SHOC1: variants seen among roughly 807,000 people sequenced by gnomAD.
SHOC1 encodes the protein protein shortage in chiasmata 1 ortholog.
In SHOC1, 136 loss-of-function variants were observed where a neutral mutation model predicts 179.2. That is an observed-to-expected ratio of 0.76 (90% CI 0.66 to 0.87). The LOEUF (loss-of-function observed/expected upper bound fraction) is 0.87. Among genes scored for constraint, SHOC1 ranks in the 40% least tolerant of loss-of-function variants. The probability of loss-of-function intolerance (pLI) is 0.00; values close to 1 mark genes in which losing one functional copy is unlikely to be tolerated. For missense variants in SHOC1, 1,538 were observed against 1,700.8 expected, an observed-to-expected ratio of 0.90 and a Z score of 1.68; for synonymous variants, 489 against 586.6, an observed-to-expected ratio of 0.83 and a Z score of 2.41.
intron 22 of SHOC1, 31 bp from the exon 23 acceptor site, chr9:111,702,257 C>T (rs1315243900): frequency 7.8e-7 from 1 of 1,278,830 alleles, no homozygotes; most frequent in Non-Finnish European, 1.1e-6. Flanking sequence ...TGTAAAAATT[C>T]ATTAGGTTGA....
intron 24 of SHOC1, among the ~76,000 whole-genome samples, chr9:111,699,223 A>C (rs1170502446): frequency 1.3e-5 from 2 of 152,176 alleles, no homozygotes; most frequent in Admixed American, 6.6e-5. Flanking sequence ...GACATACTCT[A>C]GATACACTGC....
chr9:111,704,323 T>C (rs1405426587), intron 21 of SHOC1, among the ~76,000 whole-genome samples: 2 of 152,216 alleles, frequency 1.3e-5, no homozygotes, highest in Middle Eastern at 3.2e-3. Context: ...TCTGCATTTA[T>C]CAGAATTTCC....
Position 111,758,318 on chromosome 9 carries a change from G to A in SHOC1, c.597-123C>T, listed in dbSNP as rs145590629. 246 of 615,112 alleles carry A rather than the reference G, an allele frequency of 4.0e-4. 4 individuals are homozygous for A. In the East Asian group the frequency reaches 7.1e-3, roughly 18 times the overall value. 38.1% of individuals were successfully genotyped at this position (615,112 alleles called of 1,614,324 possible). ...AAAACGATGATAAAAGTTATTGGCC[G>A]GGTGCAGTGGCTCACGCCTGTAATC... On this transcript the variant is annotated intron_variant, in intron 6 of 27. Coordinates refer to ENST00000682961, the MANE Select transcript of SHOC1 (RefSeq NM_001378211.1).
chr9:111,686,477 CA>C lies in SHOC1; in HGVS notation c.*292del, dbSNP rs1430047735. ...CTGTGATGATCTTCACTTCCTGACT[CA>C]AAGGGTCAGACTGTGATGGAGACTC... is the stretch of plus-strand genomic sequence containing the variant. On this transcript the variant is annotated 3_prime_UTR_variant, in exon 28 of 28. Coordinates refer to ENST00000682961, the MANE Select transcript of SHOC1 (RefSeq NM_001378211.1). The C allele has an allele frequency of 5.6e-6, 1 of 179,858 alleles. No homozygotes were observed. 11.1% of individuals were successfully genotyped at this position (179,858 alleles called of 1,614,324 possible).
rs530013426 is a variant in SHOC1, at chr9:111,735,639, A to G, written c.1417+2641T>C. ...CTTTGCTATTGTGAATAGTGCCGCA[A>G]TGAACATACGTGTGCATGTGTCTTT... On this transcript the variant is annotated intron_variant, in intron 12 of 27. Coordinates refer to ENST00000682961, the MANE Select transcript of SHOC1 (RefSeq NM_001378211.1). Among the ~76,000 whole-genome samples, 34 of 152,328 alleles carry G rather than the reference A, an allele frequency of 2.2e-4. 1 individual carries two copies. Among genetic ancestry groups the G allele is most frequent in the African/African-American group, 7.9e-4 (33 of 41,574 alleles).
chr9:111,716,350 C>CCTCCATAAAT (rs1298888357), intron 16 of SHOC1, among the ~76,000 whole-genome samples: 4 of 148,416 alleles, frequency 2.7e-5, no homozygotes, highest in Non-Finnish European at 6.0e-5. Flanking sequence ...TTTAAGCCAA[C>CCTCCATAAAT]CTCCATAAAT....
chr9:111,713,260 G>A, intron 17 of SHOC1, 88 bp from the exon 18 acceptor site: 1 of 652,674 alleles, frequency 1.5e-6, no homozygotes, highest in South Asian at 2.1e-5. Context: ...AACTTTAATT[G>A]GTTCTATGAA....
chr9:111,723,701 T>G, intron 14 of SHOC1, 91 bp downstream of exon 14: 6 of 1,231,882 alleles, frequency 4.9e-6, no homozygotes, highest in Non-Finnish European at 6.9e-6. Context: ...GTGAAGAAAA[T>G]GACATGGAAA....
At chr9:111,776,995 A>G (rs925974885) in intron 4 of SHOC1, among the ~76,000 whole-genome samples, 17 of 152,148 alleles carry the variant, frequency 1.1e-4, no homozygotes, top group African/African-American at 4.1e-4. Flanking sequence ...GTTTTTAAAG[A>G]CAATTTGGCA....
chr9:111,731,497 G>T (rs12348074), intron 12 of SHOC1, among the ~76,000 whole-genome samples: 8,352 of 152,240 alleles, frequency 0.055, 564 homozygotes, highest in African/African-American at 0.16. Flanking sequence ...GAAAGGGAGA[G>T]AGATAAGGGA....
chr9:111,722,716 G>A, intron 14 of SHOC1, 131 bp from the exon 15 acceptor site: 1 of 632,300 alleles, frequency 1.6e-6, no homozygotes, highest in Non-Finnish European at 2.5e-6. Flanking sequence ...AAAATAATGA[G>A]ATTGTATAAA....
In SHOC1 at chr9:111,694,417, TA is replaced by T. The variant is rs1831597362; in HGVS notation, c.3184-56del. On this transcript the variant is annotated intron_variant, in intron 24 of 27. Transcript: ENST00000682961. ...GGAAATACTAGGAAGCAAAATATAA[TA>T]TTTTTTAAACAGTTTGTAATTAGAA... 8 of 1,329,918 alleles carry T rather than the reference TA, an allele frequency of 6.0e-6. No individual in the cohort carries two copies. The South Asian group carries it at 9.2e-5, about 15-fold the overall frequency. The allele number at this position is 1,329,918 out of a possible 1,614,324, so 82.4% of individuals were successfully genotyped here.
chr9:111,769,975 G>GTTTTTT lies in SHOC1; in HGVS notation c.442+5810_442+5815dup. Among the ~76,000 whole-genome samples the GTTTTTT allele has an allele frequency of 2.5e-4, 22 of 87,804 alleles. 1 individual carries two copies. Among genetic ancestry groups the GTTTTTT allele is most frequent in the Non-Finnish European group, 3.3e-4 (15 of 45,752 alleles). 57.6% of individuals were successfully genotyped at this position (87,804 alleles called of 152,430 possible). ...AATCTAGCGAAAGGTTTTATCTTCT[G>GTTTTTT]TTTTTTTTTTGTTTTTTTTTTTTTT... On this transcript the variant is annotated intron_variant, in intron 5 of 27. Coordinates refer to ENST00000682961, the MANE Select transcript of SHOC1 (RefSeq NM_001378211.1).
chr9:111,702,351 C>T lies in SHOC1; in HGVS notation c.2968-125G>A, dbSNP rs536645752. ...TGAAAAGAGGCATGGGTATGAGCCC[C>T]CATTTCATGGAAAAATTAAAATCAT... On this transcript the variant is annotated intron_variant, in intron 22 of 27. Transcript: ENST00000682961. The T allele has an allele frequency of 7.5e-5, 46 of 617,066 alleles. 1 individual carries two copies. In the South Asian group the frequency reaches 8.5e-4, roughly 11 times the overall value. 38.2% of individuals were successfully genotyped at this position (617,066 alleles called of 1,614,324 possible).
chr9:111,709,435 T>C (rs551514602), intron 18 of SHOC1, among the ~76,000 whole-genome samples: 48 of 152,300 alleles, frequency 3.2e-4, no homozygotes, highest in African/African-American at 1.0e-3. Context: ...GTAAGTGCAG[T>C]ACTAGATCTT....
At chr9:111,794,048 C>T (rs1157103147) in intron 1 of SHOC1, among the ~76,000 whole-genome samples, 4 of 150,848 alleles carry the variant, frequency 2.7e-5, no homozygotes, top group Non-Finnish European at 5.9e-5. Flanking sequence ...GACGGGGTTT[C>T]GCCATGTTGG....
At chr9:111,793,044 G>A (rs191811677) in intron 1 of SHOC1, among the ~76,000 whole-genome samples, 14 of 152,186 alleles carry the variant, frequency 9.2e-5, no homozygotes, top group East Asian at 3.9e-4. Flanking sequence ...CAACACGCCC[G>A]GCTAATTTTT....
chr9:111,686,941 T>A, intron 27 of SHOC1, 71 bp from the exon 28 acceptor site: 3 of 433,128 alleles, frequency 6.9e-6, no homozygotes, highest in Non-Finnish European at 1.0e-5. Flanking sequence ...TTCTTTTCCT[T>A]TTTTTTTTTT....
intron 11 of SHOC1, among the ~76,000 whole-genome samples, chr9:111,739,394 C>T (rs1833938705): frequency 1.3e-5 from 2 of 152,086 alleles, no homozygotes; most frequent in South Asian, 4.2e-4. Context: ...TCCATTACCA[C>T]AATCAAGGTA....
Sources: allele counts gnomAD v4.1 joint callset (sites outside exome capture counted in the v4.1 genomes callset), GRCh38; gene constraint gnomAD v4.1.1; transcripts MANE v1.5; gene names NCBI Gene and HGNC (gene_info 2026-07-23, HGNC 2026-07-21).